The following CADPS2 variants were observed in gnomAD, a reference collection of about 807,000 sequenced individuals.
The protein encoded by CADPS2 is calcium dependent secretion activator 2, also known as calcium-dependent secretion activator 2.
Under a neutral mutation model 172.5 loss-of-function variants are expected in CADPS2, and 93 were observed. The ratio of observed to expected loss-of-function variants is 0.54; its 90% CI spans 0.46 to 0.64. The LOEUF (loss-of-function observed/expected upper bound fraction) is 0.64. CADPS2 is among the 30% of genes least tolerant of loss of function. The probability of loss-of-function intolerance (pLI) is 0.00; values close to 1 mark genes in which losing one functional copy is unlikely to be tolerated. For missense variants in CADPS2, 1,420 were observed against 1,565.9 expected, an observed-to-expected ratio of 0.91 and a Z score of 1.57; for synonymous variants, 546 against 555.2, an observed-to-expected ratio of 0.98 and a Z score of 0.23.
chr7:122,841,044 C>T (rs1291603597), intron 1 of CADPS2, among the ~76,000 whole-genome samples: 1 of 151,968 alleles, frequency 6.6e-6, no homozygotes, highest in Non-Finnish European at 1.5e-5. Flanking sequence ...ACAAATTGAT[C>T]AATATAAGAA....
intron 8 of CADPS2, among the ~76,000 whole-genome samples, chr7:122,537,728 T>C (rs1472267191): frequency 6.6e-6 from 1 of 151,798 alleles, no homozygotes; most frequent in Admixed American, 6.6e-5. Context: ...AGGAAATTAA[T>C]GGAACTAAGA....
intron 17 of CADPS2, chr7:122,436,334 C>T: frequency 2.4e-6 from 3 of 1,252,546 alleles, no homozygotes; most frequent in Non-Finnish European, 3.1e-6. Flanking sequence ...GAAATAATGG[C>T]TTGTGCATGC....
chr7:122,351,148 G>A (rs557725464), intron 27 of CADPS2, among the ~76,000 whole-genome samples: 4 of 151,570 alleles, frequency 2.6e-5, no homozygotes, highest in Admixed American at 1.3e-4. Context: ...GGCAGATCAC[G>A]AAGTCAGGAG....
intron 8 of CADPS2, among the ~76,000 whole-genome samples, chr7:122,550,068 T>C (rs1232425819): frequency 6.6e-6 from 1 of 152,158 alleles, no homozygotes; most frequent in Non-Finnish European, 1.5e-5. Flanking sequence ...AGTGTGTGAA[T>C]GCAGTTTATG....
intron 1 of CADPS2, among the ~76,000 whole-genome samples, chr7:122,756,759 GCA>G (rs2093177569): frequency 6.6e-6 from 1 of 152,052 alleles, no homozygotes; most frequent in Non-Finnish European, 1.5e-5. Context: ...AGTTAGCCAG[GCA>G]TGGTGGCATG....
chr7:122,376,355 T>C (rs895209666), intron 25 of CADPS2, among the ~76,000 whole-genome samples: 3 of 152,092 alleles, frequency 2.0e-5, no homozygotes, highest in African/African-American at 7.2e-5. Context: ...AATGGATAAT[T>C]AAAATGAGTT....
At chr7:122,506,792 C>A (rs2059643417) in intron 9 of CADPS2, among the ~76,000 whole-genome samples, 1 of 150,028 alleles carries the variant, frequency 6.7e-6, no homozygotes, top group Non-Finnish European at 1.5e-5. Context: ...ATGAATAAAT[C>A]TTCAAGATCC....
At chr7:122,639,838 T>G (rs1357636100) in intron 3 of CADPS2, among the ~76,000 whole-genome samples, 1 of 152,172 alleles carries the variant, frequency 6.6e-6, no homozygotes, top group African/African-American at 2.4e-5. Context: ...CTCTGACCTC[T>G]TCTCAATCTA....
intron 1 of CADPS2, among the ~76,000 whole-genome samples, chr7:122,780,196 G>A (rs1431358416): frequency 6.6e-6 from 1 of 151,882 alleles, no homozygotes; most frequent in Non-Finnish European, 1.5e-5. Context: ...TCACAATCAT[G>A]ATTCTTTACC....
intron 1 of CADPS2, among the ~76,000 whole-genome samples, chr7:122,878,024 C>T (rs1423938779): frequency 4.6e-5 from 2 of 43,454 alleles, no homozygotes; most frequent in Non-Finnish European, 7.2e-5. Context: ...TTTGGGAGGC[C>T]GAGGCGGTGG....
At chr7:122,681,084 C>A (rs1352317696) in intron 2 of CADPS2, among the ~76,000 whole-genome samples, 1 of 139,930 alleles carries the variant, frequency 7.1e-6, no homozygotes, top group Non-Finnish European at 1.5e-5. Context: ...AACAATGAGA[C>A]CACATGGACA....
At position 122,817,536 on chromosome 7, in the gene CADPS2, T is replaced by C. The variant is rs187543821; in HGVS notation, c.339+68463A>G. ...CAGCCTTCCCTTGGTGTTTAATCAT[T>C]GCAGGGACGCCTCTCTGATTATTCA... On this transcript the variant is annotated intron_variant, in intron 1 of 29. Coordinates refer to ENST00000449022, the MANE Select transcript of CADPS2 (RefSeq NM_017954.11). Among the ~76,000 whole-genome samples, 339 of 152,218 alleles carry C rather than the reference T, an allele frequency of 2.2e-3. 3 individuals are homozygous for C. Among genetic ancestry groups the C allele is most frequent in the Non-Finnish European group, 1.6e-3 (112 of 68,016 alleles).
chr7:122,750,406 C>T (rs1011332844), intron 1 of CADPS2, among the ~76,000 whole-genome samples: 8 of 152,090 alleles, frequency 5.3e-5, no homozygotes, highest in Admixed American at 6.6e-5. Context: ...CCTATATTTG[C>T]ATTCGTATTG....
At chr7:122,485,767 G>A (rs557256523) in intron 11 of CADPS2, among the ~76,000 whole-genome samples, 2 of 152,270 alleles carry the variant, frequency 1.3e-5, no homozygotes, top group South Asian at 2.1e-4. Context: ...CAGGACTTTC[G>A]CAGTTAGAGA....
chr7:122,529,821 C>T (rs2061604568), intron 8 of CADPS2, among the ~76,000 whole-genome samples: 1 of 152,030 alleles, frequency 6.6e-6, no homozygotes, highest in African/African-American at 2.4e-5. Context: ...ATTGCTGGCA[C>T]ATTTATATCT....
intron 9 of CADPS2, 34 bp from the exon 10 acceptor site, chr7:122,491,454 A>C: frequency 8.1e-7 from 1 of 1,230,982 alleles, no homozygotes; most frequent in Non-Finnish European, 1.1e-6. Context: ...CAGATTAGTC[A>C]CATTAAATTT....
At chr7:122,717,749 T>G (rs1309667977) in intron 2 of CADPS2, among the ~76,000 whole-genome samples, 1 of 152,128 alleles carries the variant, frequency 6.6e-6, no homozygotes, top group Non-Finnish European at 1.5e-5. Flanking sequence ...GTAAAATTCC[T>G]GTGCAGAAAA....
intron 8 of CADPS2, among the ~76,000 whole-genome samples, chr7:122,540,224 G>A (rs1368820875): frequency 6.6e-6 from 1 of 151,912 alleles, no homozygotes; most frequent in African/African-American, 2.4e-5. Context: ...GATTTTCCCT[G>A]AACTGTAATA....
At chr7:122,650,057 T>C (rs1169755482) in intron 3 of CADPS2, among the ~76,000 whole-genome samples, 2 of 151,038 alleles carry the variant, frequency 1.3e-5, no homozygotes, top group Admixed American at 6.6e-5. Flanking sequence ...TACATGCGCG[T>C]GCCACCACAC....
Sources: allele counts gnomAD v4.1 joint callset (sites outside exome capture counted in the v4.1 genomes callset), GRCh38; gene constraint gnomAD v4.1.1; transcripts MANE v1.5; gene names NCBI Gene and HGNC (gene_info 2026-07-23, HGNC 2026-07-21).